The following NLGN4Y variants were observed in gnomAD, a reference collection of about 807,000 sequenced individuals.
NLGN4Y encodes neuroligin 4 Y-linked.
A neutral mutation model predicts 8.4 loss-of-function variants in NLGN4Y; 4 were observed. That is an observed-to-expected ratio of 0.48 (90% CI 0.23 to 1.09). The LOEUF is 1.09. Ranked by LOEUF, NLGN4Y falls within the 50% of genes least tolerant of loss-of-function variation. The pLI is 0.19. For missense variants in NLGN4Y, 90 were observed against 192.3 expected (o/e 0.47, Z 3.15); for synonymous variants, 35 against 75.6 (o/e 0.46, Z 2.78).
At chrY:14,574,374 T>G in intron 1 of NLGN4Y, among the ~76,000 whole-genome samples, 1 of 33,493 alleles carries the variant, frequency 3.0e-5, no homozygotes, top group East Asian at 7.8e-4. Context: ...CTTTTGATTG[T>G]GTTGGTTTAA....
intron 1 of NLGN4Y, among the ~76,000 whole-genome samples, chrY:14,552,590 G>A (rs559332266): frequency 6.0e-5 from 2 of 33,608 alleles, no homozygotes; most frequent in East Asian, 7.7e-4. Flanking sequence ...CGATTGAGTC[G>A]ACTTCATCAA....
chrY:14,730,987 ATGTGTG>A (rs1248863150), intron 4 of NLGN4Y, among the ~76,000 whole-genome samples: 22 of 15,731 alleles, frequency 1.4e-3, no homozygotes, highest in African/African-American at 4.4e-3. Flanking sequence ...GAACCAAATT[ATGTGTG>A]TGTGTGTGTG....
At chrY:14,592,711 A>C in intron 1 of NLGN4Y, among the ~76,000 whole-genome samples, 1 of 33,328 alleles carries the variant, frequency 3.0e-5, no homozygotes, top group African/African-American at 1.2e-4. Context: ...TGGTTGAAAC[A>C]ACTCTGTTCC....
chrY:14,596,841 A>C, intron 1 of NLGN4Y, among the ~76,000 whole-genome samples: 1 of 33,121 alleles, frequency 3.0e-5, no homozygotes, highest in African/African-American at 1.2e-4. Context: ...GCGATAGGTG[A>C]TGGTCTCACC....
At chrY:14,734,633 T>C in intron 4 of NLGN4Y, among the ~76,000 whole-genome samples, 1 of 33,705 alleles carries the variant, frequency 3.0e-5, no homozygotes, top group African/African-American at 1.2e-4. Flanking sequence ...GGAGCTTCCT[T>C]GCTAACATGG....
At chrY:14,627,059 C>A (rs2080530748) in intron 2 of NLGN4Y, among the ~76,000 whole-genome samples, 1 of 31,211 alleles carries the variant, frequency 3.2e-5, no homozygotes, top group Non-Finnish European at 7.7e-5. Flanking sequence ...GTGGCACGCG[C>A]CTGTAGTCCC....
chrY:14,695,334 G>A, intron 2 of NLGN4Y, among the ~76,000 whole-genome samples: 9 of 33,336 alleles, frequency 2.7e-4, no homozygotes. Flanking sequence ...TCCTAATAGG[G>A]GCATCAGTTC....
chrY:14,754,122 C>G (rs964793612), intron 4 of NLGN4Y, among the ~76,000 whole-genome samples: 7 of 33,078 alleles, frequency 2.1e-4, no homozygotes, highest in Non-Finnish European at 3.0e-4. Context: ...ACCTGTAATC[C>G]TAGCACTTGG....
intron 4 of NLGN4Y, among the ~76,000 whole-genome samples, chrY:14,811,774 A>T (rs2043081370): frequency 3.0e-5 from 1 of 33,598 alleles, no homozygotes; most frequent in East Asian, 7.7e-4. Context: ...CATCTACATT[A>T]TTATTTATAA....
intron 1 of NLGN4Y, among the ~76,000 whole-genome samples, chrY:14,543,976 C>G (rs2080160153): frequency 3.0e-5 from 1 of 33,688 alleles, no homozygotes; most frequent in African/African-American, 1.2e-4. Context: ...TATATGTGCA[C>G]ACACAACCTA....
chrY:14,839,995 A>G lies in NLGN4Y; in HGVS notation c.1662-418A>G, dbSNP rs200355628. ...TGCCCTCTGTCTACAAAAACCAAAA[A>G]TGTCTCCAGACCTTCCCAAATACCC... is the stretch of plus-strand genomic sequence containing the variant. On this transcript the variant is annotated intron_variant, in intron 6 of 6. Coordinates refer to ENST00000684976, the MANE Select transcript of NLGN4Y (RefSeq NM_001365588.1). Among the ~76,000 whole-genome samples the G allele has an allele frequency of 1.6e-3, 52 of 32,850 alleles. No homozygotes were observed. In the East Asian group the frequency reaches 0.042, roughly 27 times the overall value. 88.1% of individuals were successfully genotyped at this position (32,850 alleles called of 37,273 possible).
At chrY:14,653,003 CAT>C (rs2080634808) in intron 2 of NLGN4Y, among the ~76,000 whole-genome samples, 1 of 32,248 alleles carries the variant, frequency 3.1e-5, no homozygotes, top group African/African-American at 1.2e-4. Context: ...GAATACTAAA[CAT>C]ATATATGTTT....
chrY:14,524,778 G>A (rs2080085457), intron 1 of NLGN4Y, 70 bp downstream of exon 1: 1 of 120,141 alleles, frequency 8.3e-6, no homozygotes, highest in African/African-American at 9.5e-5. Context: ...TTCAGGTTCC[G>A]GCCTGCGCCT....
chrY:14,701,434 A>G, intron 2 of NLGN4Y, among the ~76,000 whole-genome samples: 1 of 33,550 alleles, frequency 3.0e-5, no homozygotes, highest in Admixed American at 2.8e-4. Context: ...TACTATAGAA[A>G]ATTACATTAT....
At chrY:14,803,055 TATA>T (rs2043043363) in intron 4 of NLGN4Y, among the ~76,000 whole-genome samples, 1 of 23,078 alleles carries the variant, frequency 4.3e-5, no homozygotes, top group Non-Finnish European at 8.7e-5. Flanking sequence ...TAAAATATAA[TATA>T]ATATGTATTG....
chrY:14,723,511 G>A (rs765997793), intron 4 of NLGN4Y, among the ~76,000 whole-genome samples: 18 of 32,497 alleles, frequency 5.5e-4, no homozygotes, highest in African/African-American at 2.0e-3. Context: ...TTTTTTTCTT[G>A]TGGAAGTTGA....
intron 4 of NLGN4Y, among the ~76,000 whole-genome samples, chrY:14,768,393 A>C (rs2081098232): frequency 3.0e-5 from 1 of 33,387 alleles, no homozygotes; most frequent in Non-Finnish European, 7.4e-5. Flanking sequence ...TGTTTGCTGT[A>C]GGCAAATCTT....
chrY:14,549,952 G>A, intron 1 of NLGN4Y, among the ~76,000 whole-genome samples: 2 of 33,734 alleles, frequency 5.9e-5, no homozygotes, highest in Admixed American at 5.3e-4. Context: ...TGCTCCTAAT[G>A]AGCTTCCTGC....
intron 1 of NLGN4Y, among the ~76,000 whole-genome samples, chrY:14,568,079 G>A (rs2080258838): frequency 3.1e-5 from 1 of 31,807 alleles, no homozygotes; most frequent in Non-Finnish European, 7.6e-5. Flanking sequence ...CCGTTAACTC[G>A]TCACTTAACA....
Sources: gnomAD v4.1 joint callset for allele counts (sites outside exome capture counted in the v4.1 genomes callset) on GRCh38, gnomAD v4.1.1 for gene constraint, MANE v1.5 for transcripts, NCBI Gene and HGNC (gene_info 2026-07-23, HGNC 2026-07-21) for gene names.